The following EDA variants were observed in gnomAD, a reference collection of about 807,000 sequenced individuals.
EDA encodes ectodysplasin A.
EDA carries 2 observed loss-of-function variants against 23.6 expected under a neutral mutation model. The ratio of observed to expected loss-of-function variants is 0.08; its 90% CI spans 0.03 to 0.27. The LOEUF is 0.27. Among genes scored for constraint, EDA ranks in the 10% least tolerant of loss-of-function variants. The pLI is 1.00. For synonymous variants in EDA, 131 were observed against 132.0 expected (o/e 0.99, Z 0.05); for missense variants, 229 against 324.2 (o/e 0.71, Z 2.26).
intron 1 of EDA, among the ~76,000 whole-genome samples, chrX:69,839,325 T>C (rs2016847177): frequency 9.0e-6 from 1 of 111,703 alleles, no homozygotes; most frequent in Non-Finnish European, 1.9e-5. Flanking sequence ...AGTTGAACTT[T>C]TCCAAAATCT....
At chrX:69,769,144 T>G (rs2014555595) in intron 1 of EDA, among the ~76,000 whole-genome samples, 1 of 111,631 alleles carries the variant, frequency 9.0e-6, no homozygotes, top group Non-Finnish European at 1.9e-5. Context: ...AGTTGTGTAC[T>G]CGTCAATGCT....
intron 1 of EDA, among the ~76,000 whole-genome samples, chrX:69,708,738 G>A (rs940099090): frequency 4.5e-5 from 5 of 110,787 alleles, no homozygotes; most frequent in Non-Finnish European, 9.4e-5. Context: ...CATTTTGATG[G>A]GAGCTGGGGT....
chrX:69,683,685 C>T (rs1031751398), intron 1 of EDA, among the ~76,000 whole-genome samples: 2 of 110,833 alleles, frequency 1.8e-5, no homozygotes, highest in African/African-American at 6.6e-5. Flanking sequence ...CCTTGTGATG[C>T]TAGTATAATG....
At chrX:69,821,860 G>A (rs2016233671) in intron 1 of EDA, among the ~76,000 whole-genome samples, 2 of 112,048 alleles carry the variant, frequency 1.8e-5, no homozygotes, top group Non-Finnish European at 3.8e-5. Flanking sequence ...CATTTGAAAT[G>A]TACAGTTTGG....
chrX:70,035,655 G>C lies in EDA; in HGVS notation c.*46G>C. The C allele has an allele frequency of 8.4e-7, 1 of 1,195,815 alleles. No individual in the cohort carries two copies. Among genetic ancestry groups the C allele is most frequent in the Non-Finnish European group, 1.1e-6 (1 of 885,505 alleles). On this transcript the variant is annotated 3_prime_UTR_variant, in exon 8 of 8. Coordinates refer to ENST00000374552, the MANE Select transcript of EDA (RefSeq NM_001399.5). Reference sequence around the variant, plus strand: ...GTCCGTGCCCCTTCCCTGGGTTTGGGAGCCAGGACTCCCAGAACCTCTAAG... The same window carrying C: ...GTCCGTGCCCCTTCCCTGGGTTTGGCAGCCAGGACTCCCAGAACCTCTAAG...
At chrX:69,892,766 A>G (rs1454453277) in intron 1 of EDA, among the ~76,000 whole-genome samples, 1 of 111,897 alleles carries the variant, frequency 8.9e-6, no homozygotes, top group African/African-American at 3.2e-5. Flanking sequence ...TCACATGGTA[A>G]CAATGGGCTG....
intron 1 of EDA, among the ~76,000 whole-genome samples, chrX:69,817,881 A>G (rs1462409976): frequency 8.9e-6 from 1 of 111,882 alleles, no homozygotes; most frequent in Non-Finnish European, 1.9e-5. Flanking sequence ...GACCTGATAG[A>G]TATCTACAGA....
At chrX:70,000,839 T>C (rs929338555) in intron 2 of EDA, among the ~76,000 whole-genome samples, 2 of 111,996 alleles carry the variant, frequency 1.8e-5, no homozygotes, top group Non-Finnish European at 3.8e-5. Context: ...GAGCTGGGCT[T>C]GAATGCAGTT....
intron 1 of EDA, among the ~76,000 whole-genome samples, chrX:69,675,314 T>C (rs1161394009): frequency 8.9e-6 from 1 of 112,179 alleles, no homozygotes; most frequent in Non-Finnish European, 1.9e-5. Context: ...CAAATTATTA[T>C]ATCTAGCCCT....
At chrX:69,831,924 A>ATTT (rs904428284) in intron 1 of EDA, among the ~76,000 whole-genome samples, 16 of 110,644 alleles carry the variant, frequency 1.4e-4, no homozygotes, top group African/African-American at 5.3e-4. Context: ...TTCTTTGTAG[A>ATTT]TTCTGGATAT....
chrX:69,840,396 A>G (rs1275096425), intron 1 of EDA, among the ~76,000 whole-genome samples: 2 of 111,494 alleles, frequency 1.8e-5, no homozygotes. Flanking sequence ...GTTCTTGCTT[A>G]TTTTGTTTAC....
rs894302531 is a variant in EDA at position 69,755,133 on chromosome X, G to T, written c.396+138429G>T. On this transcript the variant is annotated intron_variant, in intron 1 of 7. Transcript: ENST00000374552. Reference sequence around the variant, plus strand: ...GCTGAGTTCCTTTGGAGGAGAAGAGGCGCTCTGATTTTTAGAATTTTCATG... The same window carrying T: ...GCTGAGTTCCTTTGGAGGAGAAGAGTCGCTCTGATTTTTAGAATTTTCATG... Among the ~76,000 whole-genome samples, 12 of 111,845 alleles carry T rather than the reference G, an allele frequency of 1.1e-4. No homozygotes were observed. The Admixed American group carries it at 1.1e-3, about 11-fold the overall frequency.
At chrX:70,014,882 A>T (rs2147492582) in intron 2 of EDA, among the ~76,000 whole-genome samples, 1 of 112,580 alleles carries the variant, frequency 8.9e-6, no homozygotes, top group African/African-American at 3.2e-5. Context: ...GAATTTTAAA[A>T]GAACGAGCAA....
At chrX:69,787,656 G>A (rs1247022974) in intron 1 of EDA, among the ~76,000 whole-genome samples, 1 of 111,660 alleles carries the variant, frequency 9.0e-6, no homozygotes, top group Non-Finnish European at 1.9e-5. Flanking sequence ...TCTGCCGAGA[G>A]ATCCGTTGTT....
At chrX:69,752,635 T>G (rs2013929758) in intron 1 of EDA, among the ~76,000 whole-genome samples, 1 of 112,132 alleles carries the variant, frequency 8.9e-6, no homozygotes, top group African/African-American at 3.2e-5. Flanking sequence ...TTGATTGGAA[T>G]AGTTTCAGAA....
At chrX:69,891,052 A>C (rs1394640870) in intron 1 of EDA, among the ~76,000 whole-genome samples, 2 of 111,349 alleles carry the variant, frequency 1.8e-5, no homozygotes, top group African/African-American at 6.5e-5. Flanking sequence ...CAAAAAAAAA[A>C]CTCCATTAAA....
intron 1 of EDA, among the ~76,000 whole-genome samples, chrX:69,843,618 A>G (rs1297748849): frequency 1.8e-5 from 2 of 111,072 alleles, no homozygotes; most frequent in Non-Finnish European, 3.8e-5. Context: ...TGGGTAACTC[A>G]GTTGCTTTAT....
intron 1 of EDA, among the ~76,000 whole-genome samples, chrX:69,913,977 G>A (rs2018305589): frequency 9.0e-6 from 1 of 111,572 alleles, no homozygotes; most frequent in Non-Finnish European, 1.9e-5. Context: ...TCTTATATGG[G>A]TGCAGTTTGT....
intron 1 of EDA, among the ~76,000 whole-genome samples, chrX:69,878,850 G>A (rs1346161906): frequency 2.7e-5 from 3 of 109,969 alleles, no homozygotes; most frequent in Non-Finnish European, 5.7e-5. Flanking sequence ...CTAATTAGAA[G>A]GCCTTCTTGC....
Sources: allele counts gnomAD v4.1 joint callset (sites outside exome capture counted in the v4.1 genomes callset), GRCh38; gene constraint gnomAD v4.1.1; transcripts MANE v1.5; gene names NCBI Gene and HGNC (gene_info 2026-07-23, HGNC 2026-07-21).